Variants in KCNT2 observed in about 807,000 individuals in gnomAD.
KCNT2 encodes the protein potassium channel subfamily T member 2.
Under a neutral mutation model 153.8 loss-of-function variants are expected in KCNT2, and 67 were observed. The ratio of observed to expected loss-of-function variants is 0.44; its 90% CI spans 0.36 to 0.53. The LOEUF (loss-of-function observed/expected upper bound fraction) is 0.53, where lower values mean the gene tolerates loss of function less well. Among genes scored for constraint, KCNT2 ranks in the 20% least tolerant of loss-of-function variants. The pLI is 0.00. For synonymous variants in KCNT2, 500 were observed against 458.8 expected (o/e 1.09, Z -1.15); for missense variants, 975 against 1,354.8 (o/e 0.72, Z 4.40).
intron 6 of KCNT2, 123 bp from the exon 7 acceptor site, chr1:196,467,909 T>A (rs1374187440): frequency 2.1e-6 from 1 of 484,138 alleles, no homozygotes; most frequent in East Asian, 3.0e-5. Context: ...ATATGACAAA[T>A]AATGTAAACT....
rs75467082 is a variant in KCNT2 at position 196,550,037 on chromosome 1, T to C, written c.96-57696A>G. Among the ~76,000 whole-genome samples, 748 of 152,006 alleles carry C rather than the reference T, an allele frequency of 4.9e-3. 3 individuals are homozygous for C. The highest frequency in any genetic ancestry group is 0.017 in the African/African-American group (700 of 41,516). On this transcript the variant is annotated intron_variant, in intron 1 of 27. Transcript: ENST00000294725. ...AGATCTATTCCTTTCTCTGGCCCCATATCAGAATGATATACCAGTTTACCA... is the reference window on the plus strand; with the variant it reads ...AGATCTATTCCTTTCTCTGGCCCCACATCAGAATGATATACCAGTTTACCA...
Position 196,479,189 on chromosome 1 carries a change from A to G in KCNT2, c.374T>C (p.Leu125Pro). Residue 125 changes from leucine (L) to proline (P), a missense_variant, in exon 5 of 28, where the codon CTT becomes CCT. Leu to Pro is a moderately conservative substitution (Grantham distance 98, BLOSUM62 -3). Coordinates refer to ENST00000294725, the MANE Select transcript of KCNT2 (RefSeq NM_198503.5). Reference protein sequence around the residue: ...SLFETILLGYLSYKGNIWEQI... With the variant: ...SLFETILLGYPSYKGNIWEQI... ...ATTAAAATAACTTACCTTATAACTAAGATAACCAAGTAATATTGTTTCAAA... is the reference window on the plus strand; with the variant it reads ...ATTAAAATAACTTACCTTATAACTAGGATAACCAAGTAATATTGTTTCAAA... The G allele has an allele frequency of 6.4e-7, 1 of 1,558,840 alleles. No individual in the cohort carries two copies. The highest frequency in any genetic ancestry group is 8.8e-7 in the Non-Finnish European group (1 of 1,133,462).
At chr1:196,493,693 A>AT (rs1205534587) in intron 1 of KCNT2, among the ~76,000 whole-genome samples, 2 of 152,092 alleles carry the variant, frequency 1.3e-5, no homozygotes, top group Non-Finnish European at 2.9e-5. Context: ...TCCTAATGCT[A>AT]TCCCTTCCCC....
chr1:196,290,951 C>G (rs1408627540), intron 22 of KCNT2, among the ~76,000 whole-genome samples: 1 of 152,104 alleles, frequency 6.6e-6, no homozygotes, highest in Non-Finnish European at 1.5e-5. Flanking sequence ...CCATTCACTG[C>G]ATCAAAAACT....
At chr1:196,323,237 A>C (rs1271781171) in intron 19 of KCNT2, among the ~76,000 whole-genome samples, 1 of 151,984 alleles carries the variant, frequency 6.6e-6, no homozygotes, top group Non-Finnish European at 1.5e-5. Context: ...TTTACTTGGC[A>C]CCATATGTGG....
Position 196,479,166 on chromosome 1 carries a change from TAA to T in KCNT2, c.384+11_384+12del. On this transcript the variant is annotated intron_variant, in intron 5 of 27. Transcript: ENST00000294725. ...GTTCTATCAGCGGGAAACTGCTAAT[TAA>T]AATAACTTACCTTATAACTAAGATA... The T allele has an allele frequency of 1.4e-6, 2 of 1,471,270 alleles. No homozygotes were observed. The highest frequency in any genetic ancestry group is 1.9e-6 in the Non-Finnish European group (2 of 1,054,300). 91.1% of individuals were successfully genotyped at this position (1,471,270 alleles called of 1,614,324 possible).
intron 8 of KCNT2, among the ~76,000 whole-genome samples, chr1:196,431,085 G>A (rs925053172): frequency 2.0e-5 from 3 of 152,084 alleles, no homozygotes; most frequent in Non-Finnish European, 4.4e-5. Context: ...GTGAAGACAC[G>A]CCACAATGCG....
chr1:196,272,115 G>A (rs910940639), intron 25 of KCNT2, among the ~76,000 whole-genome samples: 1 of 151,900 alleles, frequency 6.6e-6, no homozygotes, highest in Non-Finnish European at 1.5e-5. Flanking sequence ...AAAGGAGAGG[G>A]CAAGATTTAA....
chr1:196,573,080 C>T (rs1295157718), intron 1 of KCNT2, among the ~76,000 whole-genome samples: 1 of 152,020 alleles, frequency 6.6e-6, no homozygotes, highest in African/African-American at 2.4e-5. Context: ...CATGTCTTTC[C>T]TAATGAGAGA....
chr1:196,446,997 G>C (rs943903720), intron 8 of KCNT2, among the ~76,000 whole-genome samples: 2 of 151,486 alleles, frequency 1.3e-5, no homozygotes, highest in South Asian at 2.1e-4. Flanking sequence ...AACATGGCTA[G>C]TATGAAAAGA....
chr1:196,493,342 G>A (rs1680002164), intron 1 of KCNT2, among the ~76,000 whole-genome samples: 1 of 144,880 alleles, frequency 6.9e-6, no homozygotes, highest in Non-Finnish European at 1.5e-5. Context: ...TTTTGGGGGG[G>A]AGATTTTTGG....
In KCNT2 at chr1:196,225,880, T is replaced by C. The variant is rs1653454900; in HGVS notation, c.*2344A>G. ...TAAACAGAATCAATTCCCATTGGGC[T>C]ACAAGGACTATTATTGACTTTATAT... is the stretch of plus-strand genomic sequence containing the variant. On this transcript the variant is annotated 3_prime_UTR_variant, in exon 28 of 28. Transcript: ENST00000294725. The C allele has an allele frequency of 6.6e-6, 1 of 152,246 alleles. No homozygotes were observed. The highest frequency in any genetic ancestry group is 1.5e-5 in the Non-Finnish European group (1 of 67,958). The allele number at this position is 152,246 out of a possible 1,614,324, so 9.4% of individuals were successfully genotyped here.
chr1:196,332,250 T>A (rs1330379534), intron 17 of KCNT2, among the ~76,000 whole-genome samples: 1 of 152,180 alleles, frequency 6.6e-6, no homozygotes, highest in Admixed American at 6.6e-5. Flanking sequence ...ACTCAACATC[T>A]CTTTCGTTTT....
At position 196,357,541 on chromosome 1, in the gene KCNT2, G is replaced by A. The variant is rs1397404773; in HGVS notation, c.1404-15313C>T. ...GACCCCTTTTCAGTGGTAAATTTTA[G>A]GAATCATTGGTTCTAGCTGTGGTGC... On this transcript the variant is annotated intron_variant, in intron 14 of 27. Transcript: ENST00000294725. 2.6e-5 allele frequency among the ~76,000 whole-genome samples: 4 copies of A among 151,938 alleles called. No individual in the cohort carries two copies. The East Asian group carries it at 5.8e-4, about 22-fold the overall frequency.
At chr1:196,573,413 A>AC (rs1440832736) in intron 1 of KCNT2, among the ~76,000 whole-genome samples, 2 of 152,044 alleles carry the variant, frequency 1.3e-5, no homozygotes, top group African/African-American at 4.8e-5. Flanking sequence ...ATCCAGCACT[A>AC]CATTTAATTG....
chr1:196,418,042 AC>A (rs1672892455), intron 12 of KCNT2, among the ~76,000 whole-genome samples: 2 of 152,138 alleles, frequency 1.3e-5, no homozygotes, highest in South Asian at 4.1e-4. Context: ...TTTTCATAGA[AC>A]AGCATGTTGA....
rs767552915 is a variant in KCNT2, at chr1:196,319,517, G to C, written c.2315C>G (p.Pro772Arg). Residue 772 changes from proline to arginine, a missense_variant, in exon 20 of 28, where the codon CCA (proline) becomes CGA (arginine). This residue lies in a region of KCNT2 where 325 missense variants were observed against 388.1 expected (regional missense o/e 0.84). Transcript: ENST00000294725. ...AGAGCCCACCATGTAGTAAACCATT[G>C]GAAACCAACAGATTGCATCCAGAAA... is the stretch of plus-strand genomic sequence containing the variant. ...MHFLDAICWF[P>R]MVYYMVGSID... 1 of 1,609,944 alleles carries C rather than the reference G, an allele frequency of 6.2e-7. No homozygotes were observed. The highest frequency in any genetic ancestry group is 1.3e-5 in the African/African-American group (1 of 74,570).
chr1:196,595,323 A>G (rs1663918859), intron 1 of KCNT2, among the ~76,000 whole-genome samples: 1 of 152,156 alleles, frequency 6.6e-6, no homozygotes, highest in African/African-American at 2.4e-5. Flanking sequence ...TAGTGATAAT[A>G]ATGGTGATAG....
At chr1:196,571,038 TC>T (rs1347266433) in intron 1 of KCNT2, among the ~76,000 whole-genome samples, 1 of 152,030 alleles carries the variant, frequency 6.6e-6, no homozygotes, top group East Asian at 1.9e-4. Context: ...CATCTTCCCC[TC>T]CCCACTAAGA....
Sources: gnomAD v4.1 joint callset for allele counts (sites outside exome capture counted in the v4.1 genomes callset) on GRCh38, gnomAD v4.1.1 for gene constraint, gnomAD v4.1.1 regional missense constraint, MANE v1.5 for transcripts, NCBI Gene and HGNC (gene_info 2026-07-23, HGNC 2026-07-21) for gene names.